The following ADGRB3 variants were observed in gnomAD, a reference collection of about 807,000 sequenced individuals.
The protein encoded by ADGRB3 is adhesion G protein-coupled receptor B3.
ADGRB3 carries 37 observed loss-of-function variants against 193.4 expected under a neutral mutation model. That is an observed-to-expected ratio of 0.19 (90% confidence interval 0.15 to 0.25). ADGRB3 has a LOEUF of 0.25. Ranked by LOEUF, ADGRB3 falls within the 10% of genes least tolerant of loss-of-function variation. The pLI is 1.00. For synonymous variants in ADGRB3, 690 were observed against 644.2 expected (o/e 1.07, Z -1.08); for missense variants, 1,637 against 1,852.9 (o/e 0.88, Z 2.14).
At chr6:69,194,863 G>A (rs1765265242) in intron 17 of ADGRB3, among the ~76,000 whole-genome samples, 1 of 152,062 alleles carries the variant, frequency 6.6e-6, no homozygotes, top group Non-Finnish European at 1.5e-5. Context: ...TAAGAGTCCA[G>A]GATTATGAGA....
At chr6:69,020,967 T>C (rs569304732) in intron 13 of ADGRB3, among the ~76,000 whole-genome samples, 1 of 152,150 alleles carries the variant, frequency 6.6e-6, no homozygotes, top group Non-Finnish European at 1.5e-5. Context: ...TTGTCTGATA[T>C]TTCCAATGTT....
intron 3 of ADGRB3, among the ~76,000 whole-genome samples, chr6:68,821,979 C>T (rs1037300290): frequency 1.1e-4 from 16 of 151,730 alleles, no homozygotes; most frequent in Non-Finnish European, 2.2e-4. Flanking sequence ...TTTGTATTTA[C>T]GTAAGAAGAA....
chr6:69,015,192 A>G (rs991469446), intron 12 of ADGRB3, among the ~76,000 whole-genome samples: 1 of 151,986 alleles, frequency 6.6e-6, no homozygotes, highest in Admixed American at 6.6e-5. Flanking sequence ...GCTGCTAGAG[A>G]CTATTAATTA....
chr6:69,131,597 T>C (rs1234265550), intron 17 of ADGRB3, among the ~76,000 whole-genome samples: 1 of 152,104 alleles, frequency 6.6e-6, no homozygotes, highest in Non-Finnish European at 1.5e-5. Flanking sequence ...ATTTAAATTT[T>C]ATAACAAGTA....
At chr6:69,072,338 G>A (rs1772100089) in intron 16 of ADGRB3, among the ~76,000 whole-genome samples, 1 of 152,158 alleles carries the variant, frequency 6.6e-6, no homozygotes, top group African/African-American at 2.4e-5. Flanking sequence ...AAAAGAAAGA[G>A]AAGCATGCAG....
chr6:69,254,993 T>A (rs1467308476), intron 20 of ADGRB3, among the ~76,000 whole-genome samples: 1 of 150,752 alleles, frequency 6.6e-6, no homozygotes, highest in Non-Finnish European at 1.5e-5. Flanking sequence ...TTACTGAGAA[T>A]GATGATTTCC....
At chr6:69,138,754 T>A (rs1331341564) in intron 17 of ADGRB3, among the ~76,000 whole-genome samples, 3 of 152,194 alleles carry the variant, frequency 2.0e-5, no homozygotes. Context: ...AATAAGAGTA[T>A]TTCATTGTAA....
At position 68,638,734 on chromosome 6, in the gene ADGRB3, T is replaced by C. The variant is rs1441564520; in HGVS notation, c.59T>C (p.Phe20Ser). The stretch of plus-strand genomic sequence containing the variant: ...TTTTCCACCTATCTCCTGGTTATGT[T>C]TGGATTTAATGCTGCCCAAGACTTC... ...YIFSTYLLVM[F>S]GFNAAQDFWC... The change falls in exon 3 of 32, where the codon TTT (phenylalanine) becomes TCT (serine). Residue 20 changes from phenylalanine to serine, a missense_variant. Physicochemically the swap from Phe to Ser is radical, Grantham distance 155. Transcript: ENST00000370598. The C allele has an allele frequency of 6.2e-7, 1 of 1,614,016 alleles. No individual in the cohort carries two copies. The highest frequency in any genetic ancestry group is 1.3e-5 in the African/African-American group (1 of 74,914).
chr6:68,824,326 T>C (rs1216610231), intron 3 of ADGRB3, among the ~76,000 whole-genome samples: 1 of 151,772 alleles, frequency 6.6e-6, no homozygotes, highest in Non-Finnish European at 1.5e-5. Flanking sequence ...TACCATCAAT[T>C]GCATTTTAAA....
intron 20 of ADGRB3, among the ~76,000 whole-genome samples, chr6:69,306,457 C>T (rs1194230232): frequency 6.6e-6 from 1 of 151,350 alleles, no homozygotes; most frequent in East Asian, 1.9e-4. Flanking sequence ...AGTTGATAAC[C>T]TATGTACTAG....
chr6:68,933,781 GAAAT>G (rs1442744146), intron 4 of ADGRB3, among the ~76,000 whole-genome samples: 2 of 152,078 alleles, frequency 1.3e-5, no homozygotes, highest in Non-Finnish European at 2.9e-5. Flanking sequence ...GACATTCAAA[GAAAT>G]AAAATGACTT....
chr6:69,254,953 T>G (rs1010446227), intron 20 of ADGRB3, among the ~76,000 whole-genome samples: 1 of 148,962 alleles, frequency 6.7e-6, no homozygotes, highest in Non-Finnish European at 1.5e-5. Context: ...TGAGAACATG[T>G]GGTGTTTGGT....
intron 3 of ADGRB3, among the ~76,000 whole-genome samples, chr6:68,752,520 G>A (rs1467538862): frequency 2.0e-5 from 3 of 152,042 alleles, no homozygotes; most frequent in Admixed American, 1.3e-4. Flanking sequence ...TGATCCACCT[G>A]CCTCGGCCTC....
intron 17 of ADGRB3, among the ~76,000 whole-genome samples, chr6:69,175,865 A>G (rs1294743847): frequency 6.6e-6 from 1 of 152,068 alleles, no homozygotes; most frequent in East Asian, 1.9e-4. Flanking sequence ...CCTTGGTTAG[A>G]TGTATTCCTA....
At chr6:69,175,985 A>AT (rs1267278285) in intron 17 of ADGRB3, among the ~76,000 whole-genome samples, 1 of 152,172 alleles carries the variant, frequency 6.6e-6, no homozygotes, top group African/African-American at 2.4e-5. Flanking sequence ...TGGTACATTG[A>AT]TTTTGTATCT....
chr6:69,011,965 T>C (rs1292851641), intron 11 of ADGRB3, among the ~76,000 whole-genome samples: 1 of 152,108 alleles, frequency 6.6e-6, no homozygotes, highest in African/African-American at 2.4e-5. Flanking sequence ...GCCACATTTG[T>C]TGGCCTTGAA....
At chr6:69,145,427 G>T (rs1774461898) in intron 17 of ADGRB3, among the ~76,000 whole-genome samples, 1 of 152,222 alleles carries the variant, frequency 6.6e-6, no homozygotes, top group Non-Finnish European at 1.5e-5. Flanking sequence ...CCCCAAAGGG[G>T]TGTCACAGCC....
At chr6:69,211,639 A>AT (rs2127240060) in intron 17 of ADGRB3, among the ~76,000 whole-genome samples, 1 of 152,276 alleles carries the variant, frequency 6.6e-6, no homozygotes, top group South Asian at 2.1e-4. Context: ...TCTCATTTAT[A>AT]TTATATAAGA....
intron 17 of ADGRB3, among the ~76,000 whole-genome samples, chr6:69,087,962 T>A (rs1268879110): frequency 6.6e-6 from 1 of 152,214 alleles, no homozygotes; most frequent in Non-Finnish European, 1.5e-5. Flanking sequence ...CTAATATGTA[T>A]GGTCTGCTTC....
Sources: allele counts gnomAD v4.1 joint callset (sites outside exome capture counted in the v4.1 genomes callset), GRCh38; gene constraint gnomAD v4.1.1; transcripts MANE v1.5; gene names NCBI Gene and HGNC (gene_info 2026-07-23, HGNC 2026-07-21).